Variants in NSRP1 observed in about 807,000 individuals in gnomAD.
NSRP1 encodes the protein nuclear speckle splicing regulatory protein 1, also known as coiled-coil domain containing 55.
Under a neutral mutation model 54.7 loss-of-function variants are expected in NSRP1, and 24 were observed. The ratio of observed to expected loss-of-function variants is 0.44; its 90% CI spans 0.32 to 0.62. The LOEUF is 0.62. NSRP1 is among the 20% of genes least tolerant of loss of function. NSRP1 has a pLI of 0.06. For synonymous variants in NSRP1, 210 were observed against 213.8 expected (o/e 0.98, Z 0.15); for missense variants, 596 against 651.2 (o/e 0.92, Z 0.92).
chr17:30,149,336 T>G (rs2071885205), intron 2 of NSRP1, among the ~76,000 whole-genome samples: 2 of 152,170 alleles, frequency 1.3e-5, no homozygotes, highest in Admixed American at 1.3e-4. Context: ...AGGTTTGAGC[T>G]ACTGCACCTG....
At chr17:30,167,778 A>T (rs1293847935) in intron 2 of NSRP1, among the ~76,000 whole-genome samples, 1 of 152,232 alleles carries the variant, frequency 6.6e-6, no homozygotes, top group Non-Finnish European at 1.5e-5. Context: ...TATGGAGTAG[A>T]TGTAGAAACA....
intron 6 of NSRP1, among the ~76,000 whole-genome samples, chr17:30,182,493 T>G (rs1793920244): frequency 6.8e-6 from 1 of 146,622 alleles, no homozygotes; most frequent in South Asian, 2.2e-4. Flanking sequence ...AATACAAAAA[T>G]TAGCTCGGCA....
rs9913259 is a variant in NSRP1 at position 30,138,521 on chromosome 17, T to C, written c.114+20348T>C. Reference sequence around the variant, plus strand: ...AATACCTAATACAATGTAAATACTATGTAAATAGTTATACTCTATTGTTTA... The same window carrying C: ...AATACCTAATACAATGTAAATACTACGTAAATAGTTATACTCTATTGTTTA... On this transcript the variant is annotated intron_variant, in intron 2 of 6. Coordinates refer to ENST00000247026, the MANE Select transcript of NSRP1 (RefSeq NM_032141.4). Among the ~76,000 whole-genome samples, 625 of 152,308 alleles carry C rather than the reference T, an allele frequency of 4.1e-3. 5 individuals are homozygous for C. Among genetic ancestry groups the C allele is most frequent in the African/African-American group, 0.014 (595 of 41,560 alleles).
rs750710363 is a variant in NSRP1, at chr17:30,172,586, G to A, written c.159G>A (p.Gln53=). 6.2e-7 allele frequency: 1 copy of A among 1,610,868 alleles called. No individual in the cohort carries two copies. Among genetic ancestry groups the A allele is most frequent in the Non-Finnish European group, 8.5e-7 (1 of 1,178,098 alleles). ...TTCAGAGGGAAGCTGCTAAGAAGCAGGCCATGAAACAGGTAAGGTAGAAGA... is the reference window on the plus strand; with the variant it reads ...TTCAGAGGGAAGCTGCTAAGAAGCAAGCCATGAAACAGGTAAGGTAGAAGA... The part of the protein sequence containing the change: ...ESLQREAAKK[Q]AMKQTKLEIQ... The change falls in exon 3 of 7, where the codon CAG becomes CAA. Residue 53 remains glutamine, a synonymous_variant. Transcript: ENST00000247026.
At chr17:30,128,063 T>C in intron 2 of NSRP1, 1 of 377,266 alleles carries the variant, frequency 2.7e-6, no homozygotes, top group East Asian at 3.8e-5. Flanking sequence ...GCTCTTGAAC[T>C]CCTGGGCTCA....
At chr17:30,180,527 G>A (rs1905258864) in intron 5 of NSRP1, among the ~76,000 whole-genome samples, 1 of 152,206 alleles carries the variant, frequency 6.6e-6, no homozygotes, top group African/African-American at 2.4e-5. Context: ...TGTTTAGAGT[G>A]CCAGTCGGCA....
At chr17:30,118,247 T>C in intron 2 of NSRP1, 74 bp downstream of exon 2, 2 of 1,126,050 alleles carry the variant, frequency 1.8e-6, no homozygotes, top group Non-Finnish European at 2.7e-6. Context: ...GTGACTCTGA[T>C]ACCTTTGCCT....
At chr17:30,161,531 T>C (rs545703306) in intron 2 of NSRP1, among the ~76,000 whole-genome samples, 5 of 152,230 alleles carry the variant, frequency 3.3e-5, no homozygotes, top group Non-Finnish European at 5.9e-5. Context: ...TTGCATATTC[T>C]TCAAAACCTA....
At chr17:30,170,369 T>C (rs781501894) in intron 2 of NSRP1, among the ~76,000 whole-genome samples, 6 of 152,216 alleles carry the variant, frequency 3.9e-5, no homozygotes, top group Non-Finnish European at 7.4e-5. Context: ...CCATATATAG[T>C]ACAATTTTAT....
intron 6 of NSRP1, among the ~76,000 whole-genome samples, chr17:30,181,892 G>A: frequency 6.6e-6 from 1 of 151,896 alleles, no homozygotes; most frequent in East Asian, 1.9e-4. Context: ...TTATATGCAT[G>A]AGCCACCACG....
chr17:30,147,109 A>C (rs1354778466), intron 2 of NSRP1, among the ~76,000 whole-genome samples: 1 of 148,250 alleles, frequency 6.7e-6, no homozygotes, highest in Non-Finnish European at 1.5e-5. Context: ...TGGTATATAG[A>C]CTTTTTCTTT....
intron 2 of NSRP1, among the ~76,000 whole-genome samples, chr17:30,128,774 A>G (rs2071673563): frequency 6.6e-6 from 1 of 152,204 alleles, no homozygotes; most frequent in Non-Finnish European, 1.5e-5. Flanking sequence ...AGTGTGTGCA[A>G]TACTACGGCT....
At chr17:30,173,885 A>T (rs1353522727) in intron 3 of NSRP1, among the ~76,000 whole-genome samples, 1 of 152,244 alleles carries the variant, frequency 6.6e-6, no homozygotes, top group Non-Finnish European at 1.5e-5. Flanking sequence ...AGAAGGATAT[A>T]TTTAGTCATT....
At chr17:30,128,038 T>C in intron 2 of NSRP1, 1 of 387,478 alleles carries the variant, frequency 2.6e-6, no homozygotes, top group Non-Finnish European at 4.6e-6. Flanking sequence ...AGAGTCTCAC[T>C]GCGTTGCCTA....
intron 6 of NSRP1, among the ~76,000 whole-genome samples, chr17:30,182,340 T>C (rs1265993678): frequency 6.6e-6 from 1 of 152,190 alleles, no homozygotes; most frequent in Admixed American, 6.5e-5. Flanking sequence ...GCTACTTAAA[T>C]TAATTTAAAG....
At chr17:30,135,484 T>C (rs952532154) in intron 2 of NSRP1, among the ~76,000 whole-genome samples, 1 of 150,038 alleles carries the variant, frequency 6.7e-6, no homozygotes, top group African/African-American at 2.5e-5. Context: ...TTGTTTTGTT[T>C]TGTTTTTCAG....
chr17:30,124,084 G>A (rs901219717), intron 2 of NSRP1, among the ~76,000 whole-genome samples: 3 of 151,846 alleles, frequency 2.0e-5, no homozygotes, highest in African/African-American at 7.3e-5. Flanking sequence ...AGTCCAGCCT[G>A]GGCAACAGCG....
intron 2 of NSRP1, among the ~76,000 whole-genome samples, chr17:30,148,519 G>A (rs1016805058): frequency 6.6e-6 from 1 of 152,200 alleles, no homozygotes; most frequent in Non-Finnish European, 1.5e-5. Context: ...ACATAGGGAA[G>A]AACCAGTTTG....
Position 30,117,990 on chromosome 17 carries a change from T to G in NSRP1, c.21-90T>G, listed in dbSNP as rs998472964. 5 of 1,016,448 alleles carry G rather than the reference T, an allele frequency of 4.9e-6. No homozygotes were observed. The Admixed American group carries it at 7.8e-5, about 16-fold the overall frequency. The allele number at this position is 1,016,448 out of a possible 1,614,324, so 63.0% of individuals were successfully genotyped here. On this transcript the variant is annotated intron_variant, in intron 1 of 6. Transcript: ENST00000247026. The stretch of plus-strand genomic sequence containing the variant: ...CATAAAGCTTATGACATGTTTTGAT[T>G]TGGTAGCTTCATGTGGAAGAGGTAG...
Sources: gnomAD v4.1 joint callset for allele counts (sites outside exome capture counted in the v4.1 genomes callset) on GRCh38, gnomAD v4.1.1 for gene constraint, MANE v1.5 for transcripts, NCBI Gene and HGNC (gene_info 2026-07-23, HGNC 2026-07-21) for gene names.